Variants in VPS13B observed in about 807,000 individuals in gnomAD.
The protein encoded by VPS13B is intermembrane lipid transfer protein VPS13B.
Under a neutral mutation model 426.4 loss-of-function variants are expected in VPS13B, and 285 were observed. The observed-to-expected ratio is 0.67, with a 90% CI of 0.61 to 0.74. The LOEUF is 0.74. VPS13B is among the 30% of genes least tolerant of loss of function. The pLI, the probability that VPS13B is intolerant of heterozygous loss-of-function variation, is 0.00. For missense variants in VPS13B, 4,537 were observed against 4,782.6 expected (o/e 0.95, Z 1.51); for synonymous variants, 1,676 against 1,676.4 (o/e 1.00, Z 0.01).
At chr8:99,574,020 C>G (rs1354856025) in intron 31 of VPS13B, among the ~76,000 whole-genome samples, 2 of 152,056 alleles carry the variant, frequency 1.3e-5, no homozygotes, top group Non-Finnish European at 2.9e-5. Flanking sequence ...CTTCCCATCC[C>G]TTGTAAGTTG....
chr8:99,609,170 AGAAT>A (rs1186368558), intron 33 of VPS13B, among the ~76,000 whole-genome samples: 1 of 152,194 alleles, frequency 6.6e-6, no homozygotes, highest in African/African-American at 2.4e-5. Flanking sequence ...CTCTTGACTT[AGAAT>A]GAATCTTTCA....
chr8:99,182,598 T>C (rs1372719307), intron 16 of VPS13B, among the ~76,000 whole-genome samples: 1 of 152,214 alleles, frequency 6.6e-6, no homozygotes, highest in African/African-American at 2.4e-5. Flanking sequence ...ATGATATGAG[T>C]TAAGCAATTC....
At chr8:99,741,440 C>A (rs1231712642) in intron 39 of VPS13B, among the ~76,000 whole-genome samples, 1 of 152,086 alleles carries the variant, frequency 6.6e-6, no homozygotes, top group Non-Finnish European at 1.5e-5. Context: ...ACAAGGATAT[C>A]CAGGAATTGA....
At chr8:99,817,464 T>C (rs934649113) in intron 44 of VPS13B, 76 bp from the exon 45 acceptor site, 8 of 1,552,764 alleles carry the variant, frequency 5.2e-6, no homozygotes, top group Non-Finnish European at 7.1e-6. Flanking sequence ...CATAGTTTAC[T>C]CTGTTTGAAT....
chr8:99,710,615 T>G (rs1429123752), intron 36 of VPS13B, among the ~76,000 whole-genome samples: 1 of 138,962 alleles, frequency 7.2e-6, no homozygotes, highest in South Asian at 2.5e-4. Flanking sequence ...CTTTCGTATT[T>G]TGTGGTAAAA....
chr8:99,411,742 G>C (rs1162290892), intron 21 of VPS13B, among the ~76,000 whole-genome samples: 5 of 152,098 alleles, frequency 3.3e-5, no homozygotes, highest in Non-Finnish European at 7.4e-5. Context: ...TTTTGTATAA[G>C]GTGTAAAGAA....
Position 99,442,537 on chromosome 8 carries a change from T to A in VPS13B, c.3347T>A (p.Leu1116His). Residue 1116 changes from leucine to histidine, a missense_variant, in exon 23 of 62, where the codon CTC (leucine) becomes CAC (histidine). Physicochemically the swap from Leu to His is moderately conservative, Grantham distance 99. Around this residue, in one of 2 missense-constraint regions of VPS13B, gnomAD observed 4,311 missense variants for 4,474.3 expected, o/e 0.96. Coordinates refer to ENST00000357162, the MANE Select transcript of VPS13B (RefSeq NM_152564.5). ...GQTSMPGTLV[L>H]CLPQIKIISA... Reference sequence around the variant, plus strand: ...ACCAGCATGCCGGGAACACTTGTCCTCTGTTTGCCTCAAATAAAGATTATT... The same window carrying A: ...ACCAGCATGCCGGGAACACTTGTCCACTGTTTGCCTCAAATAAAGATTATT... The A allele has an allele frequency of 6.2e-7, 1 of 1,613,670 alleles. No individual in the cohort carries two copies. The highest frequency in any genetic ancestry group is 8.5e-7 in the Non-Finnish European group (1 of 1,179,920).
At chr8:99,471,478 C>T (rs756341659) in intron 24 of VPS13B, among the ~76,000 whole-genome samples, 3 of 152,002 alleles carry the variant, frequency 2.0e-5, no homozygotes, top group Non-Finnish European at 4.4e-5. Flanking sequence ...ATATGTTTTA[C>T]TCTCTTAGGA....
chr8:99,698,005 G>C (rs1156778960), intron 35 of VPS13B: 1 of 402,398 alleles, frequency 2.5e-6, no homozygotes, highest in African/African-American at 2.1e-5. Context: ...AGGCCGCAGA[G>C]GTGAAGAGCT....
intron 4 of VPS13B, among the ~76,000 whole-genome samples, chr8:99,099,067 T>C (rs1278836581): frequency 6.6e-6 from 1 of 152,082 alleles, no homozygotes; most frequent in East Asian, 1.9e-4. Context: ...TTAAATAATA[T>C]AGTATCACCA....
chr8:99,824,075 C>T, intron 51 of VPS13B, 97 bp downstream of exon 51: 1 of 1,409,260 alleles, frequency 7.1e-7, no homozygotes, highest in Non-Finnish European at 9.9e-7. Context: ...AAAAGCTAAC[C>T]CTGAATGTAG....
intron 3 of VPS13B, among the ~76,000 whole-genome samples, chr8:99,087,296 A>T (rs1845873285): frequency 6.6e-6 from 1 of 151,950 alleles, no homozygotes; most frequent in South Asian, 2.1e-4. Context: ...GTTTGCTAAG[A>T]CCGTTGGAAA....
chr8:99,141,929 T>G (rs1337604159), intron 12 of VPS13B, among the ~76,000 whole-genome samples: 1 of 149,600 alleles, frequency 6.7e-6, no homozygotes, highest in African/African-American at 2.5e-5. Flanking sequence ...GGTGGGCGCC[T>G]GTAGTACCAG....
intron 17 of VPS13B, among the ~76,000 whole-genome samples, chr8:99,217,298 A>G (rs1047733540): frequency 1.3e-5 from 2 of 152,128 alleles, no homozygotes; most frequent in Admixed American, 1.3e-4. Context: ...GTTAGATACC[A>G]TTGTCATTCC....
intron 19 of VPS13B, among the ~76,000 whole-genome samples, chr8:99,352,696 C>T (rs909396023): frequency 3.3e-5 from 5 of 151,772 alleles, no homozygotes; most frequent in Admixed American, 6.6e-5. Flanking sequence ...TGGTAGCGGG[C>T]GCCTCTAATC....
chr8:99,397,559 C>G (rs535178449), intron 21 of VPS13B, among the ~76,000 whole-genome samples: 1 of 152,254 alleles, frequency 6.6e-6, no homozygotes, highest in East Asian at 1.9e-4. Context: ...CTGAAAATAT[C>G]AGACTACTCT....
In VPS13B at chr8:99,127,513, A is replaced by G. The variant is rs147847663; in HGVS notation, c.1206+6068A>G. Among the ~76,000 whole-genome samples, 3 of 152,246 alleles carry G rather than the reference A, an allele frequency of 2.0e-5. No individual in the cohort carries two copies. The East Asian group carries it at 5.8e-4, about 29-fold the overall frequency. On this transcript the variant is annotated intron_variant, in intron 8 of 61. Coordinates refer to ENST00000357162, the MANE Select transcript of VPS13B (RefSeq NM_152564.5). Reference sequence around the variant, plus strand: ...TTGCTCAGGCTTAACATTTATCAGTATCTTTTCTTCTCCCACCACATCTAA... The same window carrying G: ...TTGCTCAGGCTTAACATTTATCAGTGTCTTTTCTTCTCCCACCACATCTAA...
chr8:99,274,173 T>C, intron 17 of VPS13B, 25 bp from the exon 18 acceptor site: 1 of 1,613,990 alleles, frequency 6.2e-7, no homozygotes, highest in Non-Finnish European at 8.5e-7. Context: ...AATCGGCTAG[T>C]ACATTTGCAG....
chr8:99,724,875 C>T (rs927643583), intron 39 of VPS13B, among the ~76,000 whole-genome samples: 2 of 152,156 alleles, frequency 1.3e-5, no homozygotes, highest in African/African-American at 4.8e-5. Context: ...CCAGACTGAC[C>T]TTGAGAGCCC....
Sources: allele counts gnomAD v4.1 joint callset (sites outside exome capture counted in the v4.1 genomes callset), GRCh38; gene constraint gnomAD v4.1.1; regional missense constraint gnomAD v4.1.1; transcripts MANE v1.5; gene names NCBI Gene and HGNC (gene_info 2026-07-23, HGNC 2026-07-21).